USP11: variants seen among roughly 807,000 people sequenced by gnomAD.
USP11 encodes ubiquitin carboxyl-terminal hydrolase 11.
USP11 carries 5 observed loss-of-function variants against 72.8 expected under a neutral mutation model. The ratio of observed to expected loss-of-function variants is 0.07; its 90% CI spans 0.04 to 0.14. The LOEUF is 0.14. Ranked by LOEUF, USP11 falls within the 10% of genes least tolerant of loss-of-function variation. USP11 has a pLI of 1.00. For synonymous variants in USP11, 368 were observed against 326.5 expected (o/e 1.13, Z -1.37); for missense variants, 480 against 794.7 (o/e 0.60, Z 4.76).
intron 1 of USP11, among the ~76,000 whole-genome samples, chrX:47,237,450 A>G (rs987507679): frequency 1.8e-5 from 2 of 110,921 alleles, no homozygotes; most frequent in African/African-American, 6.6e-5. Context: ...CCATCCTCCC[A>G]CCTCTCTGAT....
Position 47,248,010 on chromosome X carries a change from T to C in USP11, c.*80T>C. On this transcript the variant is annotated 3_prime_UTR_variant, in exon 21 of 21. Transcript: ENST00000377107. ...GCTTCTCGTGTCCGCCCCGCTTCTC[T>C]TATTCGTGTTAGGTGCCCCCGCCAG... The C allele has an allele frequency of 9.0e-7, 1 of 1,113,941 alleles. No individual in the cohort carries two copies. The highest frequency in any genetic ancestry group is 2.1e-5 in the South Asian group (1 of 47,643). 91.8% of individuals were successfully genotyped at this position (1,113,941 alleles called of 1,213,427 possible). A position where few individuals can be genotyped will look rare whatever the true frequency, so the allele number is the denominator to read the frequency against.
intron 13 of USP11, 86 bp downstream of exon 13, chrX:47,243,688 G>A: frequency 1.1e-6 from 1 of 923,226 alleles, no homozygotes; most frequent in Non-Finnish European, 1.5e-6. Flanking sequence ...CACCTCCCCT[G>A]TAACAAACAA....
intron 20 of USP11, 26 bp downstream of exon 20, chrX:47,247,725 C>T: frequency 6.6e-6 from 8 of 1,210,116 alleles, no homozygotes; most frequent in Non-Finnish European, 8.9e-6. Flanking sequence ...TACCTCCTCC[C>T]CTTCTTCCTT....
At chrX:47,241,217 C>A in intron 7 of USP11, 60 bp from the exon 8 acceptor site, 1 of 1,119,501 alleles carries the variant, frequency 8.9e-7, no homozygotes, top group Middle Eastern at 2.5e-4. Flanking sequence ...TTTTGTGTAT[C>A]CTCACTTTGA....
Position 47,248,094 on chromosome X carries a change from G to C in USP11, c.*164G>C. 1.3e-6 allele frequency: 1 copy of C among 785,637 alleles called. No individual in the cohort carries two copies. The highest frequency in any genetic ancestry group is 3.5e-5 in the East Asian group (1 of 28,458). The allele number at this position is 785,637 out of a possible 1,213,427, so 64.7% of individuals were successfully genotyped here. ...TGTGCCGCTGCATCGCTCTCTCCCG[G>C]GAAAGAACAGGTCGTGTCTCCTCCT... On this transcript the variant is annotated 3_prime_UTR_variant, in exon 21 of 21. Transcript: ENST00000377107.
At chrX:47,233,304 G>A (rs1316786352) in intron 1 of USP11, 85 bp downstream of exon 1, 24 of 1,080,870 alleles carry the variant, frequency 2.2e-5, no homozygotes, top group Admixed American at 3.8e-5. Flanking sequence ...CGAGGGCCGC[G>A]GGAAAGCTGC....
Position 47,241,194 on chromosome X carries a change from C to T in USP11, c.847-83C>T, listed in dbSNP as rs1019554399. The T allele has an allele frequency of 4.8e-6, 5 of 1,036,853 alleles. No individual in the cohort carries two copies. In the South Asian group the frequency reaches 6.9e-5, roughly 14 times the overall value. The allele number at this position is 1,036,853 out of a possible 1,213,427, so 85.4% of individuals were successfully genotyped here. On this transcript the variant is annotated intron_variant, in intron 7 of 20. Transcript: ENST00000377107. ...TTCTCTCTTGTTTTCCTCTCTCTTTCCTCCTGGCTTCTTTTTGTGTATCCT... is the reference window on the plus strand; with the variant it reads ...TTCTCTCTTGTTTTCCTCTCTCTTTTCTCCTGGCTTCTTTTTGTGTATCCT...
chrX:47,233,388 T>C, intron 1 of USP11, 169 bp downstream of exon 1: 1 of 1,077,355 alleles, frequency 9.3e-7, no homozygotes, highest in Non-Finnish European at 1.2e-6. Flanking sequence ...TTTGAATGAA[T>C]CGCAACGTCT....
intron 12 of USP11, 90 bp downstream of exon 12, chrX:47,242,810 C>CCTGCCT: frequency 1.4e-6 from 1 of 700,298 alleles, no homozygotes; most frequent in African/African-American, 2.1e-5. Context: ...TTCTCTCTTC[C>CCTGCCT]CTGCCTCTGC....
At chrX:47,244,611 C>T (rs1396535261) in intron 14 of USP11, 61 bp downstream of exon 14, 15 of 1,202,150 alleles carry the variant, frequency 1.2e-5, no homozygotes, top group African/African-American at 8.8e-5. Context: ...ACGTAGGGTT[C>T]GTCTAGGTGT....
At chrX:47,241,793 A>G in intron 9 of USP11, 94 bp downstream of exon 9, 4 of 1,020,089 alleles carry the variant, frequency 3.9e-6, no homozygotes, top group Non-Finnish European at 5.2e-6. Flanking sequence ...ACACGCCACC[A>G]TTTTCTGTTA....
At chrX:47,245,289 C>T (rs922742959) in intron 16 of USP11, 81 bp from the exon 17 acceptor site, 8 of 978,097 alleles carry the variant, frequency 8.2e-6, no homozygotes, top group African/African-American at 3.8e-5. Context: ...CAGTGTGTGT[C>T]TCCCCCGCTG....
intron 7 of USP11, 166 bp from the exon 8 acceptor site, chrX:47,241,111 T>A (rs2055400385): frequency 1.7e-6 from 1 of 599,916 alleles, no homozygotes; most frequent in Non-Finnish European, 2.5e-6. Flanking sequence ...TTCCTTCTCG[T>A]GAAATCCTAA....
intron 17 of USP11, among the ~76,000 whole-genome samples, chrX:47,246,453 G>C (rs975138857): frequency 8.0e-5 from 9 of 112,174 alleles, no homozygotes; most frequent in Non-Finnish European, 1.7e-4. Context: ...GGGAGTGAAT[G>C]AATGACTAAA....
chrX:47,237,786 A>ATGTGTG (rs763902030), intron 1 of USP11, among the ~76,000 whole-genome samples: 42 of 38,364 alleles, frequency 1.1e-3, no homozygotes, highest in South Asian at 2.1e-3. Context: ...GTGTGTGTGT[A>ATGTGTG]TGTGTGTGTG....
intron 8 of USP11, 30 bp from the exon 9 acceptor site, chrX:47,241,507 CCTCT>C (rs762933676): frequency 8.4e-7 from 1 of 1,188,060 alleles, no homozygotes; most frequent in Non-Finnish European, 1.1e-6. Flanking sequence ...CTCCTAACTC[CCTCT>C]CTCTCTGATG....
chrX:47,242,448 G>A lies in USP11; in HGVS notation c.1414G>A (p.Val472Met), dbSNP rs113846960. The change falls in exon 11 of 21, where the codon GTG (valine) becomes ATG (methionine). Residue 472 changes from valine to methionine, a missense_variant. By Grantham distance (21) the Val-to-Met change is conservative (BLOSUM62 1). This residue lies in a region of USP11 where 314 missense variants were observed against 556.0 expected (regional missense o/e 0.56). Coordinates refer to ENST00000377107, the MANE Select transcript of USP11 (RefSeq NM_001371072.1). ...PRRKPEQHRL[V>M]VPKKGKISDL... ...ACCGTTTTTCCCTTAGCACCGGCTC[G>A]TGGTCCCCAAGAAAGGCAAGATCTC... 13 of 1,210,265 alleles carry A rather than the reference G, an allele frequency of 1.1e-5. No homozygotes were observed. The highest frequency in any genetic ancestry group is 2.3e-4 in the Middle Eastern group (1 of 4,372).
In USP11 at chrX:47,247,217, A is replaced by G. The variant is rs369588851; in HGVS notation, c.2416A>G (p.Ile806Val). ...EKLDTLVEFP[I>V]RDLDFSEFVI... Reference sequence around the variant, plus strand: ...GCTGGACACCCTCGTGGAGTTTCCTATCCGGTCAGGGGCCAGGGAGAGGAT... The same window carrying G: ...GCTGGACACCCTCGTGGAGTTTCCTGTCCGGTCAGGGGCCAGGGAGAGGAT... Residue 806 changes from isoleucine (I) to valine (V), a missense_variant, in exon 18 of 21, where the codon ATC becomes GTC. By Grantham distance (29) the Ile-to-Val change is conservative. This residue lies in a region of USP11 where 314 missense variants were observed against 556.0 expected (regional missense o/e 0.56). Transcript: ENST00000377107. 8.3e-7 allele frequency: 1 copy of G among 1,210,474 alleles called. No homozygotes were observed. Among genetic ancestry groups the G allele is most frequent in the African/African-American group, 1.7e-5 (1 of 57,313 alleles).
Position 47,248,108 on chromosome X carries a change from G to A in USP11, c.*178G>A, listed in dbSNP as rs907701723. 16 of 707,413 alleles carry A rather than the reference G, an allele frequency of 2.3e-5. No homozygotes were observed. Among genetic ancestry groups the A allele is most frequent in the East Asian group, 7.2e-5 (2 of 27,860 alleles). The allele number at this position is 707,413 out of a possible 1,213,427, so 58.3% of individuals were successfully genotyped here. On this transcript the variant is annotated 3_prime_UTR_variant, in exon 21 of 21. Transcript: ENST00000377107. ...GCTCTCTCCCGGGAAAGAACAGGTC[G>A]TGTCTCCTCCTAGCAGTGCGCGCCC...
Sources: allele counts gnomAD v4.1 joint callset (sites outside exome capture counted in the v4.1 genomes callset), GRCh38; gene constraint gnomAD v4.1.1; regional missense constraint gnomAD v4.1.1; transcripts MANE v1.5; gene names NCBI Gene and HGNC (gene_info 2026-07-23, HGNC 2026-07-21).